The following MAP2K2 variants were observed in gnomAD, a reference collection of about 807,000 sequenced individuals.
MAP2K2 encodes dual specificity mitogen-activated protein kinase kinase 2.
In MAP2K2, 24 loss-of-function variants were observed where a neutral mutation model predicts 43.7. That is an observed-to-expected ratio of 0.55 (90% confidence interval 0.40 to 0.77). The LOEUF (loss-of-function observed/expected upper bound fraction) is 0.77. Among genes scored for constraint, MAP2K2 ranks in the 30% least tolerant of loss-of-function variants. The probability of loss-of-function intolerance (pLI) is 0.00; values close to 1 mark genes in which losing one functional copy is unlikely to be tolerated. For synonymous variants in MAP2K2, 244 were observed against 239.7 expected (o/e 1.02, Z -0.17); for missense variants, 470 against 566.8 (o/e 0.83, Z 1.73).
chr19:4,102,739 A>G, intron 3 of MAP2K2: 4 of 1,300,322 alleles, frequency 3.1e-6, no homozygotes, highest in Non-Finnish European at 4.0e-6. Flanking sequence ...TCGCCACGGC[A>G]GAGGCTCTGC....
At chr19:4,094,207 G>A (rs2040882294) in intron 10 of MAP2K2, among the ~76,000 whole-genome samples, 1 of 152,160 alleles carries the variant, frequency 6.6e-6, no homozygotes, top group South Asian at 2.1e-4. Context: ...GAGCGGCGGA[G>A]CTCAGAGCCC....
At chr19:4,107,294 G>A (rs949132834) in intron 3 of MAP2K2, among the ~76,000 whole-genome samples, 11 of 152,052 alleles carry the variant, frequency 7.2e-5, no homozygotes, top group African/African-American at 2.4e-4. Context: ...GGAGGCAGAG[G>A]CAGGCGGATC....
At chr19:4,123,219 T>G (rs1433615855) in intron 1 of MAP2K2, among the ~76,000 whole-genome samples, 2 of 151,028 alleles carry the variant, frequency 1.3e-5, no homozygotes, top group Non-Finnish European at 3.0e-5. Context: ...GGGAGCCTCA[T>G]CCTGTTCTCT....
intron 3 of MAP2K2, among the ~76,000 whole-genome samples, chr19:4,108,190 C>G (rs1386690019): frequency 6.6e-6 from 1 of 152,204 alleles, no homozygotes; most frequent in Non-Finnish European, 1.5e-5. Context: ...GGATGCTGCC[C>G]TGTCAGGGCT....
At chr19:4,104,710 G>C (rs956152266) in intron 3 of MAP2K2, 11 of 152,282 alleles carry the variant, frequency 7.2e-5, no homozygotes, top group African/African-American at 2.7e-4. Flanking sequence ...TGTTTAGTGA[G>C]AAAATTCAAA....
In MAP2K2 at chr19:4,124,097, C is replaced by A. The variant is rs888341221; in HGVS notation, c.-222G>T. The A allele has an allele frequency of 1.9e-4, 41 of 214,546 alleles. No homozygotes were observed. Among genetic ancestry groups the A allele is most frequent in the African/African-American group, 6.3e-4 (28 of 44,214 alleles). 13.3% of individuals were successfully genotyped at this position (214,546 alleles called of 1,614,324 possible). A position where few individuals can be genotyped will look rare whatever the true frequency, so the allele number is the denominator to read the frequency against. On this transcript the variant is annotated 5_prime_UTR_variant, in exon 1 of 11. Coordinates refer to ENST00000262948, the MANE Select transcript of MAP2K2 (RefSeq NM_030662.4). Reference sequence around the variant, plus strand: ...TACCGCTGCCGAGGCCCGAAGAAGGCTGACGCCGCAGCCCGAGTCCGAGAG... The same window carrying A: ...TACCGCTGCCGAGGCCCGAAGAAGGATGACGCCGCAGCCCGAGTCCGAGAG...
intron 9 of MAP2K2, chr19:4,094,859 G>A (rs1229526113): frequency 3.6e-5 from 15 of 421,022 alleles, no homozygotes; most frequent in Non-Finnish European, 6.2e-5. Flanking sequence ...GGGCAACTCC[G>A]GCACCAGGAG....
chr19:4,123,687 T>G, intron 1 of MAP2K2, 97 bp downstream of exon 1: 8 of 546,934 alleles, frequency 1.5e-5, no homozygotes, highest in East Asian at 2.8e-4. Flanking sequence ...CCCTGCCTCG[T>G]GCACTCCTCG....
chr19:4,110,403 C>T (rs974959874), intron 3 of MAP2K2, 106 bp downstream of exon 3: 53 of 1,388,116 alleles, frequency 3.8e-5, no homozygotes, highest in East Asian at 6.9e-5. Context: ...TGGAAGCCAG[C>T]GCACTGTTGC....
intron 9 of MAP2K2, chr19:4,094,972 T>G: frequency 2.9e-6 from 1 of 348,386 alleles, no homozygotes; most frequent in African/African-American, 2.0e-5. Flanking sequence ...CACATGCCTG[T>G]GAAGCCCACG....
At chr19:4,117,368 A>T in intron 2 of MAP2K2, 51 bp downstream of exon 2, 1 of 1,559,838 alleles carries the variant, frequency 6.4e-7, no homozygotes, top group South Asian at 1.1e-5. Flanking sequence ...TCCTGTTTCC[A>T]GGGGGACCTT....
Position 4,101,166 on chromosome 19 carries a change from G to A in MAP2K2, c.581-23C>T, listed in dbSNP as rs1351763771. 5.0e-6 allele frequency: 8 copies of A among 1,604,382 alleles called. No homozygotes were observed. The highest frequency in any genetic ancestry group is 6.8e-6 in the Non-Finnish European group (8 of 1,175,862). ...CATCTGGAGGCGGCAGGCTGCGGGT[G>A]AGGGGCGCCCAACAGTTGCCTGCCG... On this transcript the variant is annotated intron_variant, in intron 5 of 10. Coordinates refer to ENST00000262948, the MANE Select transcript of MAP2K2 (RefSeq NM_030662.4). The surrounding 1 kb of genome is among the most constrained non-coding windows in gnomAD (Gnocchi z 6.3).
At chr19:4,094,048 G>C (rs558863480) in intron 10 of MAP2K2, among the ~76,000 whole-genome samples, 2 of 152,286 alleles carry the variant, frequency 1.3e-5, no homozygotes, top group Admixed American at 1.3e-4. Context: ...CGGCCTCGGG[G>C]GACCTGCTTG....
At chr19:4,112,630 C>T (rs1568261159) in intron 2 of MAP2K2, among the ~76,000 whole-genome samples, 2 of 151,578 alleles carry the variant, frequency 1.3e-5, no homozygotes, top group Admixed American at 6.6e-5. Context: ...AAGCGTCTCC[C>T]ACCTTGACCG....
chr19:4,093,679 ACT>A (rs1336591545), intron 10 of MAP2K2, among the ~76,000 whole-genome samples: 1 of 151,780 alleles, frequency 6.6e-6, no homozygotes, highest in Non-Finnish European at 1.5e-5. Context: ...ACAGAGTGAG[ACT>A]CTGTCCGACT....
At position 4,090,614 on chromosome 19, in the gene MAP2K2, G is replaced by C. The variant is rs117945277; in HGVS notation, c.1187C>G (p.Thr396Arg). ...CGGCCACTGTCACACGGCGGTGCGCGTGGGTGTGCCGGGCTGGTTCAGCCG... is the reference window on the plus strand; with the variant it reads ...CGGCCACTGTCACACGGCGGTGCGCCTGGGTGTGCCGGGCTGGTTCAGCCG... ...TLRLNQPGTP[T>R]RTAV The change falls in exon 11 of 11, where the codon ACG becomes AGG. Residue 396 changes from threonine to arginine, a missense_variant. Transcript: ENST00000262948. 1.3e-6 allele frequency: 2 copies of C among 1,552,196 alleles called. No individual in the cohort carries two copies. The highest frequency in any genetic ancestry group is 1.2e-5 in the South Asian group (1 of 84,210).
At chr19:4,093,747 G>T (rs1432611375) in intron 10 of MAP2K2, among the ~76,000 whole-genome samples, 1 of 152,174 alleles carries the variant, frequency 6.6e-6, no homozygotes, top group African/African-American at 2.4e-5. Context: ...GCACCCGGTT[G>T]GGTGTCTGTA....
intron 2 of MAP2K2, among the ~76,000 whole-genome samples, chr19:4,116,715 G>A (rs113138013): frequency 0.064 from 9,684 of 152,144 alleles, 329 homozygotes; most frequent in African/African-American, 0.076. Flanking sequence ...ATCACCTGGG[G>A]TCAAGAGTTC....
chr19:4,090,810 CA>C, intron 10 of MAP2K2, 102 bp from the exon 11 acceptor site: 9 of 788,644 alleles, frequency 1.1e-5, no homozygotes, highest in Middle Eastern at 5.2e-4. Flanking sequence ...GGACAGAAAG[CA>C]AAAAACAGAG....
Sources: gnomAD v4.1 joint callset for allele counts (sites outside exome capture counted in the v4.1 genomes callset) on GRCh38, gnomAD v4.1.1 for gene constraint, Gnocchi (gnomAD v3.1) non-coding constraint, MANE v1.5 for transcripts, NCBI Gene and HGNC (gene_info 2026-07-23, HGNC 2026-07-21) for gene names.